Variants in NTM observed in about 807,000 individuals in gnomAD.
NTM encodes the protein neurotrimin.
Under a neutral mutation model 42.1 loss-of-function variants are expected in NTM, and 13 were observed. The ratio of observed to expected loss-of-function variants is 0.31; its 90% CI spans 0.20 to 0.49. The LOEUF is 0.49. Among genes scored for constraint, NTM ranks in the 20% least tolerant of loss-of-function variants. The pLI, the probability that NTM is intolerant of heterozygous loss-of-function variation, is 0.99. For synonymous variants in NTM, 187 were observed against 179.2 expected (o/e 1.04, Z -0.35); for missense variants, 373 against 452.8 (o/e 0.82, Z 1.60).
chr11:132,162,010 G>A (rs2074393747), intron 3 of NTM, among the ~76,000 whole-genome samples: 1 of 152,374 alleles, frequency 6.6e-6, no homozygotes, highest in African/African-American at 2.4e-5. Context: ...TCCGTGCGCA[G>A]TGCAGGGAAG....
chr11:131,858,617 G>C (rs989769533), intron 1 of NTM, among the ~76,000 whole-genome samples: 1 of 152,172 alleles, frequency 6.6e-6, no homozygotes, highest in Non-Finnish European at 1.5e-5. Context: ...TGCAAATGAG[G>C]CAATAGCAGC....
chr11:131,473,554 A>G (rs1203354189), intron 1 of NTM, among the ~76,000 whole-genome samples: 1 of 152,176 alleles, frequency 6.6e-6, no homozygotes. Context: ...TTTCAATAAT[A>G]TTAGAAGAAC....
intron 2 of NTM, among the ~76,000 whole-genome samples, chr11:131,991,648 G>A (rs910634805): frequency 6.6e-6 from 1 of 152,158 alleles, no homozygotes; most frequent in East Asian, 1.9e-4. Flanking sequence ...AGGACACAGG[G>A]AAAGAGTGAC....
intron 1 of NTM, among the ~76,000 whole-genome samples, chr11:131,480,130 A>AC (rs1491267949): frequency 2.5e-4 from 29 of 114,848 alleles, no homozygotes; most frequent in Admixed American, 2.3e-3. Flanking sequence ...TATCTTGATT[A>AC]CTTTTTTTTT....
intron 2 of NTM, among the ~76,000 whole-genome samples, chr11:131,976,281 G>A (rs1253885864): frequency 6.6e-6 from 1 of 152,038 alleles, no homozygotes; most frequent in African/African-American, 2.4e-5. Context: ...GCTTATACCC[G>A]AGCATGGGTG....
chr11:131,626,578 C>T lies in NTM; in HGVS notation c.82+255690C>T, dbSNP rs185390287. ...AAAATACTGGTCTTGCAACTCCTCA[C>T]GTGTAAAGCAACAACAAACATTGCA... On this transcript the variant is annotated intron_variant, in intron 1 of 8. Coordinates refer to ENST00000683400, the MANE Select transcript of NTM (RefSeq NM_001352005.2). 2.9e-3 allele frequency among the ~76,000 whole-genome samples: 441 copies of T among 152,288 alleles called. 2 individuals are homozygous for T. Among genetic ancestry groups the T allele is most frequent in the African/African-American group, 0.01 (416 of 41,568 alleles).
chr11:132,082,530 A>G (rs1033566070), intron 2 of NTM, among the ~76,000 whole-genome samples: 1 of 152,184 alleles, frequency 6.6e-6, no homozygotes, highest in African/African-American at 2.4e-5. Context: ...AGAATTTTCC[A>G]TCATGGGCAT....
chr11:131,870,884 G>A (rs10791179), intron 1 of NTM, among the ~76,000 whole-genome samples: 76,809 of 151,794 alleles, frequency 0.51, 19,580 homozygotes, highest in East Asian at 0.75. Context: ...AGACTCAAAT[G>A]CGTCTTTTAA....
intron 1 of NTM, chr11:131,660,357 C>T (rs1321939546): frequency 2.5e-6 from 1 of 393,288 alleles, no homozygotes; most frequent in Admixed American, 3.1e-5. Flanking sequence ...TGAATTCATT[C>T]ACACCCAAAC....
rs1262218350 is a variant in NTM at position 131,475,931 on chromosome 11, T to C, written c.82+105043T>C. Among the ~76,000 whole-genome samples the C allele has an allele frequency of 2.6e-5, 4 of 152,290 alleles. No homozygotes were observed. In the South Asian group the frequency reaches 8.3e-4, roughly 32 times the overall value. On this transcript the variant is annotated intron_variant, in intron 1 of 8. Coordinates refer to ENST00000683400, the MANE Select transcript of NTM (RefSeq NM_001352005.2). ...CAAAATATGTATTGACCACCTATTATGCAGACACTGAGATATGGGCATAAT... is the reference window on the plus strand; with the variant it reads ...CAAAATATGTATTGACCACCTATTACGCAGACACTGAGATATGGGCATAAT...
intron 4 of NTM, among the ~76,000 whole-genome samples, chr11:132,281,125 C>T (rs2093958812): frequency 6.6e-6 from 1 of 152,208 alleles, no homozygotes; most frequent in Non-Finnish European, 1.5e-5. Flanking sequence ...TGGAGCATCA[C>T]TCCTTCAGTA....
intron 1 of NTM, among the ~76,000 whole-genome samples, chr11:131,394,861 G>A (rs539810373): frequency 3.9e-5 from 6 of 152,248 alleles, no homozygotes; most frequent in African/African-American, 7.2e-5. Context: ...TGTCAATGGT[G>A]CACTAAGGCA....
At chr11:132,046,386 G>GA (rs59712664) in intron 2 of NTM, among the ~76,000 whole-genome samples, 5,306 of 145,500 alleles carry the variant, frequency 0.036, 143 homozygotes, top group South Asian at 0.16. Flanking sequence ...AAAAGGAAAA[G>GA]AAAAAAAAAA....
chr11:131,656,977 G>C (rs1194514558), intron 1 of NTM, among the ~76,000 whole-genome samples: 19 of 152,092 alleles, frequency 1.2e-4, no homozygotes. Context: ...AGCTCTCGGA[G>C]GCTGAGGAGT....
intron 2 of NTM, among the ~76,000 whole-genome samples, chr11:132,046,895 A>G (rs1174552331): frequency 6.6e-6 from 1 of 152,192 alleles, no homozygotes; most frequent in Non-Finnish European, 1.5e-5. Context: ...TCTATCTGTT[A>G]TCTATCTATC....
intron 1 of NTM, among the ~76,000 whole-genome samples, chr11:131,377,412 C>A (rs1565441695): frequency 6.6e-6 from 1 of 152,076 alleles, no homozygotes; most frequent in African/African-American, 2.4e-5. Context: ...ACTGGAGGGC[C>A]AAGAAGATAA....
intron 3 of NTM, among the ~76,000 whole-genome samples, chr11:132,204,616 C>T (rs1403539507): frequency 6.6e-6 from 1 of 152,040 alleles, no homozygotes. Context: ...CAAAGGTGGG[C>T]TTGAGGCATT....
chr11:132,009,153 G>A (rs1050040650), intron 2 of NTM, among the ~76,000 whole-genome samples: 2 of 152,170 alleles, frequency 1.3e-5, no homozygotes, highest in Non-Finnish European at 2.9e-5. Context: ...GTTAGGAAAA[G>A]CTACAATTGG....
chr11:131,917,474 C>T (rs2056573333), intron 2 of NTM, among the ~76,000 whole-genome samples: 1 of 152,190 alleles, frequency 6.6e-6, no homozygotes, highest in Non-Finnish European at 1.5e-5. Flanking sequence ...CATATTTGCA[C>T]CCATGACACT....
Sources: gnomAD v4.1 joint callset for allele counts (sites outside exome capture counted in the v4.1 genomes callset) on GRCh38, gnomAD v4.1.1 for gene constraint, MANE v1.5 for transcripts, NCBI Gene and HGNC (gene_info 2026-07-23, HGNC 2026-07-21) for gene names.